The following TEP1 variants were observed in gnomAD, a reference collection of about 807,000 sequenced individuals.
TEP1 encodes the protein telomerase protein component 1.
Under a neutral mutation model 306.3 loss-of-function variants are expected in TEP1, and 241 were observed. The ratio of observed to expected loss-of-function variants is 0.79; its 90% CI spans 0.71 to 0.88. TEP1 has a LOEUF of 0.88. Ranked by LOEUF, TEP1 falls within the 40% of genes least tolerant of loss-of-function variation. TEP1 has a pLI of 0.00. For synonymous variants in TEP1, 1,289 were observed against 1,305.5 expected, an observed-to-expected ratio of 0.99 and a Z score of 0.27; for missense variants, 3,051 against 3,276.1, an observed-to-expected ratio of 0.93 and a Z score of 1.68.
Position 20,378,384 on chromosome 14 carries a change from G to A in TEP1, c.5504C>T (p.Thr1835Ile), listed in dbSNP as rs767396948. Reference sequence around the variant, plus strand: ...AGCAACACTGGACCTTCTTACCTTGGTGACTTTGAGCCCATCCACCTGGAA... The same window carrying A: ...AGCAACACTGGACCTTCTTACCTTGATGACTTTGAGCCCATCCACCTGGAA... Reference protein sequence around the residue: ...SFFQVDGLKVTKDLGAPGASI... With the variant: ...SFFQVDGLKVIKDLGAPGASI... Residue 1835 changes from threonine to isoleucine, a missense_variant, in exon 38 of 55, where the codon ACC becomes ATC. This residue lies in a region of TEP1 where 1,540 missense variants were observed against 1,705.9 expected (regional missense o/e 0.90). Transcript: ENST00000262715. 17 of 1,614,196 alleles carry A rather than the reference G, an allele frequency of 1.1e-5. No homozygotes were observed. In the South Asian group the frequency reaches 1.8e-4, roughly 17 times the overall value.
At chr14:20,409,500 C>A (rs930998886) in intron 1 of TEP1, among the ~76,000 whole-genome samples, 44 of 152,192 alleles carry the variant, frequency 2.9e-4, no homozygotes, top group Non-Finnish European at 4.1e-4. Flanking sequence ...CGTTGGACAT[C>A]CCCACTGGAT....
chr14:20,406,580 C>G (rs958109936), intron 2 of TEP1, among the ~76,000 whole-genome samples, 180 bp from the exon 3 acceptor site: 4 of 152,220 alleles, frequency 2.6e-5, no homozygotes, highest in Admixed American at 1.3e-4. Flanking sequence ...TGCTCTCACA[C>G]ACCACCTTGC....
chr14:20,399,863 T>C (rs1760899), intron 9 of TEP1, among the ~76,000 whole-genome samples: 33,987 of 151,694 alleles, frequency 0.22, 4,839 homozygotes, highest in African/African-American at 0.38. Context: ...TGGGTGCATA[T>C]AGAATTATCT....
In TEP1 at chr14:20,378,239, A is replaced by C. The variant is rs1166173903; in HGVS notation, c.5509-3T>G. 7 of 1,613,518 alleles carry C rather than the reference A, an allele frequency of 4.3e-6. No individual in the cohort carries two copies. The highest frequency in any genetic ancestry group is 1.3e-5 in the African/African-American group (1 of 74,924). On this transcript the variant is annotated splice_region_variant and splice_polypyrimidine_tract_variant and intron_variant, in intron 38 of 54. Transcript: ENST00000262715. ...GAGGCTCCGGGTGCCCCCAGGTCCT[A>C]CACAGGGAGGTAGAAATGGAAACGT...
intron 11 of TEP1, 63 bp downstream of exon 11, chr14:20,395,795 GC>G (rs1375862265): frequency 2.0e-5 from 31 of 1,553,212 alleles, no homozygotes; most frequent in Non-Finnish European, 2.7e-5. Context: ...AAATATTGGT[GC>G]TGCTGCTTCA....
rs746034727 is a variant in TEP1 at position 20,371,486 on chromosome 14, T to C, written c.7220+3A>G. ...CAGGAGGAAATGGCATTTTGGATCT[T>C]ACCAGATTTCAGATGGAGCATCCCC... On this transcript the variant is annotated splice_donor_region_variant and intron_variant, in intron 50 of 54. Transcript: ENST00000262715. 65 of 1,610,078 alleles carry C rather than the reference T, an allele frequency of 4.0e-5. 2 individuals carry two copies. The South Asian group carries it at 5.4e-4, about 13-fold the overall frequency.
In TEP1 at chr14:20,366,508, T is replaced by C. The variant is rs1010900954; in HGVS notation, c.*1929A>G. Reference sequence around the variant, plus strand: ...GGTCCAGAAGGTATATTTCGAGGCTTGGCATGAGGCACATAAGAGAAGACA... The same window carrying C: ...GGTCCAGAAGGTATATTTCGAGGCTCGGCATGAGGCACATAAGAGAAGACA... On this transcript the variant is annotated 3_prime_UTR_variant, in exon 55 of 55. Coordinates refer to ENST00000262715, the MANE Select transcript of TEP1 (RefSeq NM_007110.5). The C allele has an allele frequency of 6.6e-6, 1 of 152,190 alleles. No homozygotes were observed. The highest frequency in any genetic ancestry group is 6.5e-5 in the Admixed American group (1 of 15,278). 9.4% of individuals were successfully genotyped at this position (152,190 alleles called of 1,614,324 possible). A position where few individuals can be genotyped will look rare whatever the true frequency, so the allele number is the denominator to read the frequency against.
At chr14:20,375,141 G>A (rs1885100489) in intron 43 of TEP1, among the ~76,000 whole-genome samples, 1 of 150,902 alleles carries the variant, frequency 6.6e-6, no homozygotes, top group South Asian at 2.1e-4. Flanking sequence ...CACACAGTGA[G>A]CATATAATAA....
In TEP1 at chr14:20,381,890, G is replaced by A. The variant is rs1294224126; in HGVS notation, c.4424+23C>T. The A allele has an allele frequency of 3.7e-6, 6 of 1,612,340 alleles. No individual in the cohort carries two copies. The African/African-American group carries it at 6.7e-5, about 18-fold the overall frequency. On this transcript the variant is annotated intron_variant, in intron 30 of 54. Coordinates refer to ENST00000262715, the MANE Select transcript of TEP1 (RefSeq NM_007110.5). The surrounding 1 kb of genome is among the most constrained non-coding windows in gnomAD (Gnocchi z 4.0). ...AGGGAAGGCACAGAGAGGTCAGCGG[G>A]AGCTCTGCTGGGGCACCTGTACCTG...
intron 27 of TEP1, 121 bp from the exon 28 acceptor site, chr14:20,382,836 TC>T: frequency 3.5e-6 from 3 of 860,910 alleles, no homozygotes; most frequent in Non-Finnish European, 5.6e-6. Context: ...AGACGCCAGG[TC>T]CATGGCATCA....
Position 20,371,181 on chromosome 14 carries a change from G to A in TEP1, c.7317+37C>T, listed in dbSNP as rs1884811392. The stretch of plus-strand genomic sequence containing the variant: ...AGGTGTAAAAACACTGGTCCTAGAC[G>A]AATGTTTGCTTTAGCACACACTCAA... On this transcript the variant is annotated intron_variant, in intron 51 of 54. Coordinates refer to ENST00000262715, the MANE Select transcript of TEP1 (RefSeq NM_007110.5). 7.0e-6 allele frequency: 11 copies of A among 1,573,298 alleles called. No individual in the cohort carries two copies. In the East Asian group the frequency reaches 9.0e-5, roughly 13 times the overall value.
intron 1 of TEP1, among the ~76,000 whole-genome samples, chr14:20,411,587 G>A (rs933379050): frequency 6.6e-6 from 1 of 152,082 alleles, no homozygotes; most frequent in African/African-American, 2.4e-5. Context: ...AAGTTCCTGA[G>A]GAGAGAGACC....
At chr14:20,392,461 G>C (rs1940561333) in intron 12 of TEP1, among the ~76,000 whole-genome samples, 1 of 147,274 alleles carries the variant, frequency 6.8e-6, no homozygotes, top group Non-Finnish European at 1.5e-5. Context: ...ATCTGTTCGA[G>C]GCTTTAGAGC....
Position 20,373,694 on chromosome 14 carries a change from G to C in TEP1, c.6588C>G (p.Ala2196=). 2 of 1,614,216 alleles carry C rather than the reference G, an allele frequency of 1.2e-6. No homozygotes were observed. The highest frequency in any genetic ancestry group is 1.7e-6 in the Non-Finnish European group (2 of 1,180,044). The part of the protein sequence containing the change: ...HSGPISHCAA[A]MEPRAAGQPG... The stretch of plus-strand genomic sequence containing the variant: ...TTTTGTTACCTGCACGGGGCTCCAT[G>C]GCAGCTGCACAGTGGCTAATGGGTC... Residue 2196 remains alanine, a synonymous_variant, in exon 45 of 55, where the codon GCC becomes GCG. Transcript: ENST00000262715.
chr14:20,403,693 C>G, intron 6 of TEP1, 30 bp downstream of exon 6: 1 of 1,612,410 alleles, frequency 6.2e-7, no homozygotes, highest in Non-Finnish European at 8.5e-7. Flanking sequence ...AGAAAAGGGG[C>G]GTGGGTCGAG....
chr14:20,391,656 C>G lies in TEP1; in HGVS notation c.2040G>C (p.Leu680Phe), dbSNP rs759587736. 6.2e-7 allele frequency: 1 copy of G among 1,614,160 alleles called. No homozygotes were observed. The highest frequency in any genetic ancestry group is 2.2e-5 in the East Asian group (1 of 44,882). Residue 680 changes from leucine to phenylalanine, a missense_variant, in exon 13 of 55, where the codon TTG becomes TTC. Coordinates refer to ENST00000262715, the MANE Select transcript of TEP1 (RefSeq NM_007110.5). The part of the protein sequence containing the change: ...SLPLLPGRTV[L>F]VYLTDANADR... ...CTGCATTAGCATCTGTCAGATAGAC[C>G]AAGACAGTGCGGCCTGGCAGCAGGG...
At chr14:20,410,802 G>GTTTTTTTTT (rs61662364) in intron 1 of TEP1, among the ~76,000 whole-genome samples, 4 of 25,214 alleles carry the variant, frequency 1.6e-4, no homozygotes, top group East Asian at 1.2e-3. Flanking sequence ...CTCCTTTGTG[G>GTTTTTTTTT]TTTTTTTTTT....
chr14:20,399,632 T>TAAAAAA (rs71416944), intron 9 of TEP1, among the ~76,000 whole-genome samples: 20 of 78,596 alleles, frequency 2.5e-4, no homozygotes, highest in African/African-American at 9.4e-4. Flanking sequence ...CCCTGTTTCT[T>TAAAAAA]AAAAAAAAAA....
chr14:20,407,939 G>C lies in TEP1; in HGVS notation c.501C>G (p.Asp167Glu). The C allele has an allele frequency of 6.2e-7, 1 of 1,614,154 alleles. No homozygotes were observed. Among genetic ancestry groups the C allele is most frequent in the Non-Finnish European group, 8.5e-7 (1 of 1,180,010 alleles). Residue 167 changes from aspartate to glutamate, a missense_variant, in exon 2 of 55, where the codon GAC becomes GAG. Around this residue, in one of 3 missense-constraint regions of TEP1, gnomAD observed 1,507 missense variants for 1,550.5 expected, o/e 0.97. Transcript: ENST00000262715. ...TCAGGGCTATAGGGCAGGTTGAAAG[G>C]TCTAGTCCCTTAGAGAAATGCTGAG... is the stretch of plus-strand genomic sequence containing the variant. ...WRAQHFSKGL[D>E]LSTCPIALKS...
Sources: allele counts gnomAD v4.1 joint callset (sites outside exome capture counted in the v4.1 genomes callset), GRCh38; gene constraint gnomAD v4.1.1; regional missense constraint gnomAD v4.1.1; non-coding constraint Gnocchi (gnomAD v3.1); transcripts MANE v1.5; gene names NCBI Gene and HGNC (gene_info 2026-07-23, HGNC 2026-07-21).